Variants in ZNF280D observed in about 807,000 individuals in gnomAD.
ZNF280D encodes suppressor of hairy wing homolog 4.
In ZNF280D, 39 loss-of-function variants were observed where a neutral mutation model predicts 94.7. That is an observed-to-expected ratio of 0.41 (90% CI 0.32 to 0.54). ZNF280D has a LOEUF of 0.54. Ranked by LOEUF, ZNF280D falls within the 20% of genes least tolerant of loss-of-function variation. The pLI, the probability that ZNF280D is intolerant of heterozygous loss-of-function variation, is 0.22. For synonymous variants in ZNF280D, 398 were observed against 377.6 expected (o/e 1.05, Z -0.63); for missense variants, 1,090 against 1,149.3 (o/e 0.95, Z 0.75).
At chr15:56,669,047 AC>A (rs2140882063) in intron 13 of ZNF280D, 90 bp from the exon 14 acceptor site, 1 of 1,219,040 alleles carries the variant, frequency 8.2e-7, no homozygotes, top group Admixed American at 2.6e-5. Flanking sequence ...TTTTAATGAT[AC>A]CTAAATAATG....
intron 16 of ZNF280D, among the ~76,000 whole-genome samples, chr15:56,659,874 A>G (rs2053814560): frequency 6.6e-6 from 1 of 151,828 alleles, no homozygotes; most frequent in African/African-American, 2.4e-5. Flanking sequence ...AATTGTCCCC[A>G]GCACCACATG....
At chr15:56,725,348 T>G (rs1054651591) in intron 1 of ZNF280D, among the ~76,000 whole-genome samples, 15 of 152,144 alleles carry the variant, frequency 9.9e-5, no homozygotes, top group African/African-American at 1.2e-4. Context: ...ACCCCAAACC[T>G]GAGAAATTTT....
chr15:56,731,568 AT>A (rs1181274002), intron 1 of ZNF280D, among the ~76,000 whole-genome samples: 1 of 151,692 alleles, frequency 6.6e-6, no homozygotes, highest in Non-Finnish European at 1.5e-5. Context: ...GGAAATGTGA[AT>A]ATATACTACA....
intron 13 of ZNF280D, 80 bp from the exon 14 acceptor site, chr15:56,669,037 T>C (rs1181182389): frequency 7.7e-7 from 1 of 1,302,092 alleles, no homozygotes; most frequent in East Asian, 2.4e-5. Flanking sequence ...GCTGACTTAA[T>C]TTTAATGATA....
intron 12 of ZNF280D, among the ~76,000 whole-genome samples, chr15:56,677,280 T>C (rs2140967665): frequency 6.6e-6 from 1 of 152,320 alleles, no homozygotes; most frequent in East Asian, 1.9e-4. Context: ...TAGGGTTCTT[T>C]GTATCTAACA....
At chr15:56,676,917 C>G in intron 12 of ZNF280D, 101 bp from the exon 13 acceptor site, 1 of 891,992 alleles carries the variant, frequency 1.1e-6, no homozygotes, top group Non-Finnish European at 1.7e-6. Flanking sequence ...ACATTATGTA[C>G]TACTAATCTA....
At chr15:56,715,492 G>C (rs1215366399) in intron 1 of ZNF280D, among the ~76,000 whole-genome samples, 1 of 151,866 alleles carries the variant, frequency 6.6e-6, no homozygotes, top group Non-Finnish European at 1.5e-5. Flanking sequence ...CTTAACTAAG[G>C]GCAATATTTA....
intron 1 of ZNF280D, among the ~76,000 whole-genome samples, chr15:56,717,556 A>T (rs1234970862): frequency 6.6e-6 from 1 of 152,064 alleles, no homozygotes; most frequent in Non-Finnish European, 1.5e-5. Context: ...TGTTATCGCC[A>T]TTATAAATTA....
chr15:56,701,814 T>C (rs1169669857), intron 4 of ZNF280D, among the ~76,000 whole-genome samples: 5 of 152,050 alleles, frequency 3.3e-5, no homozygotes, highest in African/African-American at 7.2e-5. Flanking sequence ...AGTGAACCAA[T>C]AGTTCATCAT....
chr15:56,678,592 T>C, intron 11 of ZNF280D, 72 bp downstream of exon 11: 1 of 1,316,296 alleles, frequency 7.6e-7, no homozygotes. Context: ...CTAACAGGCT[T>C]CTTAAGGTTT....
intron 1 of ZNF280D, among the ~76,000 whole-genome samples, chr15:56,709,715 G>T (rs1054580950): frequency 6.6e-6 from 1 of 152,142 alleles, no homozygotes; most frequent in African/African-American, 2.4e-5. Context: ...GTAGGCACAT[G>T]GATGAAGCTG....
chr15:56,698,878 G>C (rs1009374472), intron 6 of ZNF280D: 2 of 152,122 alleles, frequency 1.3e-5, no homozygotes, highest in African/African-American at 2.4e-5. Flanking sequence ...ACAACCATGT[G>C]AACTTGGAAG....
intron 1 of ZNF280D, among the ~76,000 whole-genome samples, chr15:56,710,711 C>G (rs749577291): frequency 3.9e-5 from 6 of 152,008 alleles, no homozygotes; most frequent in African/African-American, 7.2e-5. Flanking sequence ...TTTTAACTAT[C>G]TGAAATTTTC....
chr15:56,717,502 C>T (rs1441340212), intron 1 of ZNF280D, among the ~76,000 whole-genome samples: 1 of 151,946 alleles, frequency 6.6e-6, no homozygotes, highest in Admixed American at 6.6e-5. Context: ...TAGAGAATTG[C>T]TAGTATTGAG....
chr15:56,697,124 A>C (rs564175707), intron 6 of ZNF280D, among the ~76,000 whole-genome samples: 1 of 152,286 alleles, frequency 6.6e-6, no homozygotes, highest in Non-Finnish European at 1.5e-5. Context: ...ATTTGATTCC[A>C]ACTAATAGCA....
chr15:56,725,939 A>T (rs1180854938), intron 1 of ZNF280D, among the ~76,000 whole-genome samples: 1 of 152,188 alleles, frequency 6.6e-6, no homozygotes, highest in East Asian at 1.9e-4. Context: ...GTTATATAAA[A>T]CCAGAAAAAC....
At chr15:56,719,416 G>A (rs1372137939) in intron 1 of ZNF280D, among the ~76,000 whole-genome samples, 5 of 151,266 alleles carry the variant, frequency 3.3e-5, no homozygotes, top group African/African-American at 9.7e-5. Context: ...CTTATAAATC[G>A]CTACCCACAC....
chr15:56,704,857 T>A (rs2141228809), intron 3 of ZNF280D, among the ~76,000 whole-genome samples: 1 of 152,058 alleles, frequency 6.6e-6, no homozygotes, highest in South Asian at 2.1e-4. Context: ...GTGGCCCACA[T>A]CTGTAATCCC....
At chr15:56,720,573 C>A (rs776883951) in intron 1 of ZNF280D, among the ~76,000 whole-genome samples, 3 of 152,162 alleles carry the variant, frequency 2.0e-5, no homozygotes, top group Non-Finnish European at 4.4e-5. Context: ...GTTTTCAATT[C>A]ACTTTACCCA....
Sources: allele counts gnomAD v4.1 joint callset (sites outside exome capture counted in the v4.1 genomes callset), GRCh38; gene constraint gnomAD v4.1.1; transcripts MANE v1.5; gene names NCBI Gene and HGNC (gene_info 2026-07-23, HGNC 2026-07-21).